The following GRAMD1B variants were observed in gnomAD, a reference collection of about 807,000 sequenced individuals.
The protein encoded by GRAMD1B is protein Aster-B.
Under a neutral mutation model 99.7 loss-of-function variants are expected in GRAMD1B, and 37 were observed. The observed-to-expected ratio is 0.37, with a 90% CI of 0.29 to 0.49. GRAMD1B has a LOEUF of 0.49. GRAMD1B is among the 20% of genes least tolerant of loss of function. The pLI is 0.98. For missense variants in GRAMD1B, 888 were observed against 1,009.2 expected, an observed-to-expected ratio of 0.88 and a Z score of 1.63; for synonymous variants, 427 against 387.6, an observed-to-expected ratio of 1.10 and a Z score of -1.19.
At chr11:123,398,387 G>A (rs970427003) in intron 1 of GRAMD1B, among the ~76,000 whole-genome samples, 1 of 152,156 alleles carries the variant, frequency 6.6e-6, no homozygotes, top group East Asian at 1.9e-4. Context: ...TGCATCATAA[G>A]AGCTCACCCT....
In GRAMD1B at chr11:123,466,134, G is replaced by A. The variant is rs532050051; in HGVS notation, c.375-14682G>A. 2.0e-5 allele frequency among the ~76,000 whole-genome samples: 3 copies of A among 152,146 alleles called. No individual in the cohort carries two copies. In the East Asian group the frequency reaches 5.8e-4, roughly 30 times the overall value. ...CTGCTAAAAATACAAAAATTAGCTG[G>A]GAGTGGTGGTGGACGCCTGTTATAT... On this transcript the variant is annotated intron_variant, in intron 1 of 19. Coordinates refer to ENST00000635736, the MANE Select transcript of GRAMD1B (RefSeq NM_001387025.1).
chr11:123,370,243 G>C (rs1408825448), intron 1 of GRAMD1B, among the ~76,000 whole-genome samples: 1 of 151,428 alleles, frequency 6.6e-6, no homozygotes, highest in East Asian at 2.0e-4. Context: ...TTGAACCCAG[G>C]AGGTGGAGGT....
intron 2 of GRAMD1B, among the ~76,000 whole-genome samples, chr11:123,516,230 G>T (rs1405671591): frequency 6.6e-6 from 1 of 152,202 alleles, no homozygotes; most frequent in Admixed American, 6.5e-5. Flanking sequence ...TTACTGAATA[G>T]CGCTGGTCAC....
intron 2 of GRAMD1B, among the ~76,000 whole-genome samples, chr11:123,574,385 G>A (rs534483521): frequency 1.3e-5 from 2 of 152,264 alleles, no homozygotes; most frequent in East Asian, 3.9e-4. Context: ...TATTTAGAAA[G>A]ATTAATGACA....
At chr11:123,585,185 G>T (rs1048327603) in intron 4 of GRAMD1B, among the ~76,000 whole-genome samples, 1 of 152,226 alleles carries the variant, frequency 6.6e-6, no homozygotes, top group South Asian at 2.1e-4. Context: ...GACACACCAG[G>T]TTCTGCTGCA....
At chr11:123,535,018 A>G (rs531011266) in intron 2 of GRAMD1B, among the ~76,000 whole-genome samples, 8 of 152,278 alleles carry the variant, frequency 5.3e-5, no homozygotes, top group African/African-American at 1.9e-4. Flanking sequence ...TTAAGTGGCA[A>G]AACAGGGCTC....
intron 1 of GRAMD1B, among the ~76,000 whole-genome samples, chr11:123,404,062 C>A (rs1407861148): frequency 2.6e-5 from 4 of 152,148 alleles, no homozygotes; most frequent in Non-Finnish European, 5.9e-5. Context: ...TGATTTCATC[C>A]TCAGAGTGCA....
At chr11:123,619,432 A>G (rs1317009078) in intron 19 of GRAMD1B, 1 of 1,374,974 alleles carries the variant, frequency 7.3e-7, no homozygotes, top group Non-Finnish European at 9.5e-7. Flanking sequence ...AAATAAGAAC[A>G]ATAAAATGAC....
At chr11:123,611,745 G>A (rs982375020) in intron 14 of GRAMD1B, among the ~76,000 whole-genome samples, 16 of 152,274 alleles carry the variant, frequency 1.1e-4, no homozygotes, top group Non-Finnish European at 1.6e-4. Context: ...AGCGGTTGTT[G>A]AGTTGGGGAG....
At chr11:123,534,000 G>A (rs987839441) in intron 2 of GRAMD1B, among the ~76,000 whole-genome samples, 3 of 152,230 alleles carry the variant, frequency 2.0e-5, no homozygotes, top group African/African-American at 7.2e-5. Context: ...TATGAAGACA[G>A]CATTTAATGG....
chr11:123,577,312 C>T, intron 2 of GRAMD1B, 55 bp from the exon 3 acceptor site: 2 of 1,409,860 alleles, frequency 1.4e-6, no homozygotes, highest in Non-Finnish European at 2.0e-6. Flanking sequence ...TGACTGCCTG[C>T]CTTTCCTCCT....
At chr11:123,460,653 G>A (rs1272601673) in intron 1 of GRAMD1B, among the ~76,000 whole-genome samples, 3 of 152,166 alleles carry the variant, frequency 2.0e-5, no homozygotes, top group Non-Finnish European at 4.4e-5. Flanking sequence ...TTTTTCCCGG[G>A]GCTAAGGGCA....
chr11:123,606,690 G>T lies in GRAMD1B; in HGVS notation c.1405G>T (p.Gly469Trp). Reference protein sequence around the residue: ...EKELAIDNIMGEKIEMIAPVN... With the variant: ...EKELAIDNIMWEKIEMIAPVN... ...GGAGCTCGCCATTGACAACATCATG[G>T]GGGAGAAGATTGAGATGATCGCTCC... is the stretch of plus-strand genomic sequence containing the variant. The change falls in exon 11 of 20, where the codon GGG (glycine) becomes TGG (tryptophan). Residue 469 changes from glycine (G) to tryptophan (W), a missense_variant. Gly to Trp is a radical substitution (Grantham distance 184, BLOSUM62 -2). Coordinates refer to ENST00000635736, the MANE Select transcript of GRAMD1B (RefSeq NM_001387025.1). 6.2e-7 allele frequency: 1 copy of T among 1,613,580 alleles called. No homozygotes were observed. Among genetic ancestry groups the T allele is most frequent in the Non-Finnish European group, 8.5e-7 (1 of 1,179,720 alleles).
intron 2 of GRAMD1B, among the ~76,000 whole-genome samples, chr11:123,553,163 A>G (rs1945798167): frequency 6.6e-6 from 1 of 152,234 alleles, no homozygotes; most frequent in Admixed American, 6.5e-5. Context: ...AAGTTTAGGG[A>G]GCACTAGTAT....
At chr11:123,596,899 G>A (rs1951338427) in intron 7 of GRAMD1B, among the ~76,000 whole-genome samples, 1 of 152,106 alleles carries the variant, frequency 6.6e-6, no homozygotes, top group South Asian at 2.1e-4. Context: ...TCAGACACTA[G>A]ATTTGGATCC....
At chr11:123,369,793 G>A (rs549600444) in intron 1 of GRAMD1B, among the ~76,000 whole-genome samples, 1 of 151,958 alleles carries the variant, frequency 6.6e-6, no homozygotes, top group South Asian at 2.1e-4. Flanking sequence ...GATCCCTTGA[G>A]CCTGGGAGGC....
chr11:123,607,511 G>A (rs934593324), intron 11 of GRAMD1B, among the ~76,000 whole-genome samples: 1 of 152,220 alleles, frequency 6.6e-6, no homozygotes, highest in Non-Finnish European at 1.5e-5. Context: ...GGGGCCACCT[G>A]CAGTGGTTTT....
intron 2 of GRAMD1B, among the ~76,000 whole-genome samples, chr11:123,504,551 T>A (rs1207494589): frequency 1.3e-5 from 2 of 152,188 alleles, no homozygotes; most frequent in East Asian, 3.9e-4. Flanking sequence ...CAAGACCAAT[T>A]CAGACTTGAC....
intron 2 of GRAMD1B, among the ~76,000 whole-genome samples, chr11:123,518,755 A>G (rs917184179): frequency 6.6e-6 from 1 of 152,144 alleles, no homozygotes; most frequent in African/African-American, 2.4e-5. Context: ...TAGAGTGATC[A>G]GAGGATCAGA....
Sources: gnomAD v4.1 joint callset for allele counts (sites outside exome capture counted in the v4.1 genomes callset) on GRCh38, gnomAD v4.1.1 for gene constraint, MANE v1.5 for transcripts, NCBI Gene and HGNC (gene_info 2026-07-23, HGNC 2026-07-21) for gene names.